NAALADL2: variants seen among roughly 807,000 people sequenced by gnomAD.
The protein encoded by NAALADL2 is N-acetylated alpha-linked acidic dipeptidase like 2.
In NAALADL2, 76 loss-of-function variants were observed where a neutral mutation model predicts 87.2. The observed-to-expected ratio is 0.87, with a 90% CI of 0.72 to 1.05. The LOEUF (loss-of-function observed/expected upper bound fraction) is 1.05, where lower values mean the gene tolerates loss of function less well. Ranked by LOEUF, NAALADL2 falls within the 50% of genes least tolerant of loss-of-function variation. The pLI is 0.00. For missense variants in NAALADL2, 1,089 were observed against 945.8 expected, an observed-to-expected ratio of 1.15 and a Z score of -1.99; for synonymous variants, 354 against 331.0, an observed-to-expected ratio of 1.07 and a Z score of -0.75.
At chr3:174,549,678 G>C (rs188146168) in intron 1 of NAALADL2, among the ~76,000 whole-genome samples, 12 of 152,244 alleles carry the variant, frequency 7.9e-5, no homozygotes, top group Admixed American at 5.9e-4. Flanking sequence ...TTTTTGTGAA[G>C]TAAGGGAAAA....
chr3:175,403,940 T>C (rs967521519), intron 5 of NAALADL2, among the ~76,000 whole-genome samples: 1 of 152,144 alleles, frequency 6.6e-6, no homozygotes, highest in African/African-American at 2.4e-5. Context: ...TTCACAGCTT[T>C]CTTCCAGGTC....
intron 3 of NAALADL2, among the ~76,000 whole-genome samples, chr3:174,787,603 A>ATG (rs1716926827): frequency 1.0e-5 from 1 of 99,480 alleles, no homozygotes; most frequent in African/African-American, 3.3e-5. Context: ...ATATATATAT[A>ATG]TATATATATA....
intron 12 of NAALADL2, among the ~76,000 whole-genome samples, chr3:175,746,200 G>A (rs552223593): frequency 5.3e-5 from 8 of 150,872 alleles, no homozygotes; most frequent in East Asian, 1.9e-4. Flanking sequence ...ATTCATTAGC[G>A]TCAATCACTT....
chr3:174,541,501 A>G (rs1046209148), intron 1 of NAALADL2, among the ~76,000 whole-genome samples: 1 of 152,224 alleles, frequency 6.6e-6, no homozygotes, highest in Non-Finnish European at 1.5e-5. Context: ...TAAGTAACAC[A>G]TATTGAATAA....
At chr3:175,472,682 AT>A (rs1289316972) in intron 9 of NAALADL2, among the ~76,000 whole-genome samples, 2 of 152,172 alleles carry the variant, frequency 1.3e-5, no homozygotes, top group African/African-American at 4.8e-5. Context: ...TTCATAAAGT[AT>A]TTTTAGCTTA....
At chr3:175,340,559 T>C (rs1762466087) in intron 5 of NAALADL2, among the ~76,000 whole-genome samples, 1 of 152,184 alleles carries the variant, frequency 6.6e-6, no homozygotes, top group Admixed American at 6.5e-5. Flanking sequence ...TTCTCAGTTC[T>C]ACAAAGAGAA....
At chr3:174,811,725 A>G in intron 3 of NAALADL2, among the ~76,000 whole-genome samples, 1 of 152,142 alleles carries the variant, frequency 6.6e-6, no homozygotes, top group Non-Finnish European at 1.5e-5. Flanking sequence ...GTATTTTGCA[A>G]TGTGAGAAGG....
intron 3 of NAALADL2, among the ~76,000 whole-genome samples, chr3:174,819,145 C>G (rs574973553): frequency 7.8e-5 from 11 of 141,828 alleles, no homozygotes; most frequent in African/African-American, 2.8e-4. Context: ...GCAACCTCCA[C>G]CTCCCAGGCT....
chr3:175,433,939 C>CA, intron 5 of NAALADL2, among the ~76,000 whole-genome samples: 1 of 151,994 alleles, frequency 6.6e-6, no homozygotes, highest in Admixed American at 6.6e-5. Flanking sequence ...GAATTTTTCC[C>CA]ATGGCAAGTG....
intron 11 of NAALADL2, among the ~76,000 whole-genome samples, chr3:175,684,127 C>A (rs1365636694): frequency 1.3e-5 from 2 of 150,756 alleles, no homozygotes; most frequent in Admixed American, 6.6e-5. Context: ...AAAGAGCCAG[C>A]AGACTTTTAG....
In NAALADL2 at chr3:175,180,212, A is replaced by G. The variant is rs558388153; in HGVS notation, c.546-53719A>G. On this transcript the variant is annotated intron_variant, in intron 2 of 13. Coordinates refer to ENST00000454872, the MANE Select transcript of NAALADL2 (RefSeq NM_207015.3). ...TATGTTCTGAGTACGTATTTGGCCA[A>G]TGAAAATTTAAATTTATTTAAATAA... is the stretch of plus-strand genomic sequence containing the variant. 8.5e-5 allele frequency among the ~76,000 whole-genome samples: 13 copies of G among 152,128 alleles called. No individual in the cohort carries two copies. In the South Asian group the frequency reaches 2.1e-3, roughly 24 times the overall value.
chr3:175,249,233 AATTTT>A (rs1218097956), intron 3 of NAALADL2, among the ~76,000 whole-genome samples: 1 of 152,196 alleles, frequency 6.6e-6, no homozygotes, highest in African/African-American at 2.4e-5. Flanking sequence ...TTTTCTCCCA[AATTTT>A]ATTTATTACC....
At chr3:175,142,294 T>C (rs1730111990) in intron 2 of NAALADL2, among the ~76,000 whole-genome samples, 1 of 152,072 alleles carries the variant, frequency 6.6e-6, no homozygotes, top group Non-Finnish European at 1.5e-5. Flanking sequence ...TAGATTAATT[T>C]CGTTTATAAT....
chr3:175,537,857 A>G (rs1054005898), intron 9 of NAALADL2, among the ~76,000 whole-genome samples: 4 of 152,190 alleles, frequency 2.6e-5, no homozygotes, highest in African/African-American at 9.6e-5. Context: ...CTAGTGGTAA[A>G]GTTAAATATT....
intron 9 of NAALADL2, among the ~76,000 whole-genome samples, chr3:175,486,971 T>C (rs1727368250): frequency 6.6e-6 from 1 of 152,138 alleles, no homozygotes; most frequent in Admixed American, 6.6e-5. Context: ...TTTAACCACT[T>C]TCCTCCCCTT....
In NAALADL2 at chr3:175,534,692, C is replaced by A. The variant is rs147261891; in HGVS notation, c.1654-41349C>A. Among the ~76,000 whole-genome samples the A allele has an allele frequency of 1.7e-3, 254 of 150,602 alleles. 6 individuals carry two copies. Among genetic ancestry groups the A allele is most frequent in the South Asian group, 9.1e-3 (43 of 4,746 alleles). ...TTTCCAATTAACAGAAAACACAATT[C>A]AACTGGGTATTTAAATGATAAAGGA... On this transcript the variant is annotated intron_variant, in intron 9 of 13. Transcript: ENST00000454872.
At chr3:175,039,235 C>T (rs1358887187) in intron 1 of NAALADL2, among the ~76,000 whole-genome samples, 4 of 152,238 alleles carry the variant, frequency 2.6e-5, no homozygotes, top group African/African-American at 4.8e-5. Flanking sequence ...GGCACAAACT[C>T]GGCTCACTGC....
At chr3:174,966,572 A>C (rs1742904885) in intron 1 of NAALADL2, among the ~76,000 whole-genome samples, 1 of 152,178 alleles carries the variant, frequency 6.6e-6, no homozygotes. Flanking sequence ...GGAGGTATCT[A>C]GAGTGACAAA....
intron 4 of NAALADL2, among the ~76,000 whole-genome samples, chr3:175,294,393 C>T (rs575743704): frequency 2.0e-5 from 3 of 151,942 alleles, no homozygotes; most frequent in South Asian, 4.1e-4. Flanking sequence ...GGCTGAAGTT[C>T]GCTGGTGTTC....
Sources: gnomAD v4.1 joint callset for allele counts (sites outside exome capture counted in the v4.1 genomes callset) on GRCh38, gnomAD v4.1.1 for gene constraint, MANE v1.5 for transcripts, NCBI Gene and HGNC (gene_info 2026-07-23, HGNC 2026-07-21) for gene names.